PAX2: variants seen among roughly 807,000 people sequenced by gnomAD.
PAX2 encodes the protein paired box 2.
PAX2 carries 9 observed loss-of-function variants against 41.7 expected under a neutral mutation model. The observed-to-expected ratio is 0.22, with a 90% CI of 0.13 to 0.38. The LOEUF (loss-of-function observed/expected upper bound fraction) is 0.38. Among genes scored for constraint, PAX2 ranks in the 10% least tolerant of loss-of-function variants. The pLI is 1.00. For synonymous variants in PAX2, 221 were observed against 212.7 expected (o/e 1.04, Z -0.34); for missense variants, 418 against 531.6 (o/e 0.79, Z 2.10).
At chr10:100,742,843 C>CTTTTTTTTT (rs61627823), upstream of PAX2, among the ~76,000 whole-genome samples, 30 of 41,256 alleles carry the variant, frequency 7.3e-4, 7 homozygotes, top group East Asian at 8.9e-4. Context: ...TTCTTTCTTC[C>CTTTTTTTTT]TTTTTTTTTT....
At chr10:100,814,118 G>A (rs558521965) in intron 7 of PAX2, among the ~76,000 whole-genome samples, 5 of 152,082 alleles carry the variant, frequency 3.3e-5, no homozygotes, top group Non-Finnish European at 7.4e-5. Context: ...GGAGGCCGAG[G>A]CAGGCGGATC....
At chr10:100,772,470 T>C (rs1402844777) in intron 3 of PAX2, among the ~76,000 whole-genome samples, 2 of 152,218 alleles carry the variant, frequency 1.3e-5, no homozygotes, top group Non-Finnish European at 2.9e-5. Context: ...ATCATTTTGT[T>C]CTCTAGGATG....
At chr10:100,814,130 C>T (rs1490585526) in intron 7 of PAX2, among the ~76,000 whole-genome samples, 10 of 152,062 alleles carry the variant, frequency 6.6e-5, no homozygotes, top group South Asian at 2.1e-4. Context: ...AGGCGGATCA[C>T]GAGGTCAGGA....
chr10:100,740,744 T>A (rs556422447), upstream of PAX2, among the ~76,000 whole-genome samples: 1 of 145,700 alleles, frequency 6.9e-6, no homozygotes, highest in South Asian at 2.4e-4. Flanking sequence ...GCTGTCACTT[T>A]TTCCTGTAGG....
At position 100,826,910 on chromosome 10, in the gene PAX2, G is replaced by T. The variant is rs1428986682; in HGVS notation, c.1022-99G>T. 2.4e-6 allele frequency: 2 copies of T among 828,566 alleles called. No individual in the cohort carries two copies. The highest frequency in any genetic ancestry group is 4.1e-6 in the Non-Finnish European group (2 of 483,298). 51.3% of individuals were successfully genotyped at this position (828,566 alleles called of 1,614,324 possible). On this transcript the variant is annotated intron_variant, in intron 8 of 9. Coordinates refer to ENST00000355243, the MANE Select transcript of PAX2 (RefSeq NM_000278.5). This position sits in a 1 kb window ranked among gnomAD's most constrained non-coding sequence, Gnocchi z 5.5. ...CCCTGCCCGCGACACCTGCGCCTGA[G>T]ACCCGGCGGGAGGAGCGGGCGGAGA...
At chr10:100,779,740 C>A (rs1446713373) in intron 4 of PAX2, among the ~76,000 whole-genome samples, 157 bp downstream of exon 4, 1 of 152,166 alleles carries the variant, frequency 6.6e-6, no homozygotes, top group Non-Finnish European at 1.5e-5. Flanking sequence ...TAGGGTCTTC[C>A]TGAGAGATAC....
intron 1 of PAX2, among the ~76,000 whole-genome samples, chr10:100,746,550 A>G (rs1395929223): frequency 6.6e-6 from 1 of 151,978 alleles, no homozygotes; most frequent in Non-Finnish European, 1.5e-5. Context: ...GATCCCTATC[A>G]CCTGCCTTTG....
chr10:100,752,132 G>A (rs7921931), intron 3 of PAX2, among the ~76,000 whole-genome samples: 17,305 of 152,160 alleles, frequency 0.11, 3,038 homozygotes, highest in African/African-American at 0.38. Flanking sequence ...TGCCACACTC[G>A]TGCTGTAATG....
At chr10:100,777,648 G>A (rs982187126) in intron 3 of PAX2, among the ~76,000 whole-genome samples, 9 of 152,182 alleles carry the variant, frequency 5.9e-5, no homozygotes, top group African/African-American at 2.2e-4. Flanking sequence ...ACCCGCCTTG[G>A]CCTCCCAAAG....
At chr10:100,739,629 A>G (rs1050501744) in intron 1 of PAX2, among the ~76,000 whole-genome samples, 4 of 152,076 alleles carry the variant, frequency 2.6e-5, no homozygotes, top group African/African-American at 9.7e-5. Context: ...CTGGTCTCCC[A>G]GCCTCTGGAG....
At position 100,748,163 on chromosome 10, in the gene PAX2, G is replaced by A. The variant is rs745448307; in HGVS notation, c.44-1583G>A. The A allele has an allele frequency of 1.2e-4, 114 of 985,210 alleles. No individual in the cohort carries two copies. Among genetic ancestry groups the A allele is most frequent in the Non-Finnish European group, 1.3e-4 (107 of 829,988 alleles). The allele number at this position is 985,210 out of a possible 1,614,324, so 61.0% of individuals were successfully genotyped here. On this transcript the variant is annotated intron_variant, in intron 1 of 9. Transcript: ENST00000355243. The surrounding 1 kb of genome is among the most constrained non-coding windows in gnomAD (Gnocchi z 5.0). ...CCCCACCCCTTAGACTGGGGCTGAGGGGCCGGGCCCTGAGCCCGGGGAGGC... is the reference window on the plus strand; with the variant it reads ...CCCCACCCCTTAGACTGGGGCTGAGAGGCCGGGCCCTGAGCCCGGGGAGGC...
At chr10:100,736,871 G>A (rs1392741242) in intron 1 of PAX2, among the ~76,000 whole-genome samples, 1 of 152,136 alleles carries the variant, frequency 6.6e-6, no homozygotes, top group East Asian at 1.9e-4. Flanking sequence ...AATTAAAAGC[G>A]AGTACAAAAT....
At chr10:100,820,651 T>C (rs1288291903) in intron 7 of PAX2, among the ~76,000 whole-genome samples, 2 of 152,096 alleles carry the variant, frequency 1.3e-5, no homozygotes, top group Non-Finnish European at 2.9e-5. Context: ...GAGGCGGAGG[T>C]TGCAGTGAGC....
At chr10:100,802,767 G>A (rs1423995406) in intron 5 of PAX2, among the ~76,000 whole-genome samples, 4 of 152,082 alleles carry the variant, frequency 2.6e-5, no homozygotes, top group Non-Finnish European at 5.9e-5. Flanking sequence ...GTTGGATAGG[G>A]GATCTTCTTT....
rs535426571 is a variant in PAX2, at chr10:100,748,934, C to T, written c.44-812C>T. 1.0e-6 allele frequency: 1 copy of T among 985,344 alleles called. No individual in the cohort carries two copies. Among genetic ancestry groups the T allele is most frequent in the South Asian group, 4.7e-5 (1 of 21,282 alleles). 61.0% of individuals were successfully genotyped at this position (985,344 alleles called of 1,614,324 possible). A position where few individuals can be genotyped will look rare whatever the true frequency, so the allele number is the denominator to read the frequency against. On this transcript the variant is annotated intron_variant, in intron 1 of 9. Transcript: ENST00000355243. This position sits in a 1 kb window ranked among gnomAD's most constrained non-coding sequence, Gnocchi z 5.0. Reference sequence around the variant, plus strand: ...TGGGCCCCAACCAGGCTCTGCGAGGCGCGGCAGGCAGGCGAGCCCAAGCAG... The same window carrying T: ...TGGGCCCCAACCAGGCTCTGCGAGGTGCGGCAGGCAGGCGAGCCCAAGCAG...
intron 3 of PAX2, among the ~76,000 whole-genome samples, chr10:100,758,839 G>A (rs1043906379): frequency 2.6e-5 from 4 of 152,260 alleles, no homozygotes; most frequent in South Asian, 2.1e-4. Flanking sequence ...TAACATCCAC[G>A]CAAGTGGAAG....
In PAX2 at chr10:100,827,536, C is replaced by T; in HGVS notation, c.1109-7C>T. 2 of 1,613,538 alleles carry T rather than the reference C, an allele frequency of 1.2e-6. No homozygotes were observed. The highest frequency in any genetic ancestry group is 2.2e-5 in the East Asian group (1 of 44,872). ...CCAGCCCATTCTTCTCCTGTGTTAACTTCCAGGTTCCCCTTATTATTATAG... is the reference window on the plus strand; with the variant it reads ...CCAGCCCATTCTTCTCCTGTGTTAATTTCCAGGTTCCCCTTATTATTATAG... On this transcript the variant is annotated splice_region_variant and splice_polypyrimidine_tract_variant and intron_variant, in intron 9 of 9. Transcript: ENST00000355243. The surrounding 1 kb of genome is among the most constrained non-coding windows in gnomAD (Gnocchi z 8.5).
At chr10:100,819,257 A>G (rs1223791554) in intron 7 of PAX2, among the ~76,000 whole-genome samples, 1 of 145,786 alleles carries the variant, frequency 6.9e-6, no homozygotes, top group African/African-American at 2.6e-5. Flanking sequence ...CAAAAAAAAA[A>G]AAGGGGGGGG....
rs1269475511 is a variant in PAX2 at position 100,776,273 on chromosome 10, T to C, written c.411-3225T>C. Among the ~76,000 whole-genome samples, 5 of 152,206 alleles carry C rather than the reference T, an allele frequency of 3.3e-5. No individual in the cohort carries two copies. In the East Asian group the frequency reaches 9.6e-4, roughly 29 times the overall value. ...TTACTCCCTATGCATTCCCTAACCTTGTTCTGTCTGGCTCCTGCTCCAGTC... is the reference window on the plus strand; with the variant it reads ...TTACTCCCTATGCATTCCCTAACCTCGTTCTGTCTGGCTCCTGCTCCAGTC... On this transcript the variant is annotated intron_variant, in intron 3 of 9. Coordinates refer to ENST00000355243, the MANE Select transcript of PAX2 (RefSeq NM_000278.5).
Sources: allele counts gnomAD v4.1 joint callset (sites outside exome capture counted in the v4.1 genomes callset), GRCh38; gene constraint gnomAD v4.1.1; non-coding constraint Gnocchi (gnomAD v3.1); transcripts MANE v1.5; gene names NCBI Gene and HGNC (gene_info 2026-07-23, HGNC 2026-07-21).